SLC2A6: variants seen among roughly 807,000 people sequenced by gnomAD.
The protein encoded by SLC2A6 is solute carrier family 2 member 6.
A neutral mutation model predicts 47.8 loss-of-function variants in SLC2A6; 39 were observed. The ratio of observed to expected loss-of-function variants is 0.82; its 90% CI spans 0.63 to 1.07. The LOEUF (loss-of-function observed/expected upper bound fraction) is 1.07, where lower values mean the gene tolerates loss of function less well. Ranked by LOEUF, SLC2A6 falls within the 50% of genes least tolerant of loss-of-function variation. SLC2A6 has a pLI of 0.00. For missense variants in SLC2A6, 650 were observed against 707.6 expected (o/e 0.92, Z 0.92); for synonymous variants, 346 against 324.1 (o/e 1.07, Z -0.73).
rs370535865 is a variant in SLC2A6 at position 133,478,783 on chromosome 9, C to T, written c.92+185G>A. On this transcript the variant is annotated intron_variant, in intron 1 of 9. Coordinates refer to ENST00000371899, the MANE Select transcript of SLC2A6 (RefSeq NM_017585.4). The stretch of plus-strand genomic sequence containing the variant: ...GGCTGGGCCCGGTACTCTCGTGGAT[C>T]GTTCCTTCCCTTAGGGGGACCAGTT... The T allele has an allele frequency of 4.3e-4, 261 of 602,836 alleles. 2 individuals carry two copies. The East Asian group carries it at 7.2e-3, about 17-fold the overall frequency. The allele number at this position is 602,836 out of a possible 1,614,324, so 37.3% of individuals were successfully genotyped here.
chr9:133,474,211 G>A lies in SLC2A6; in HGVS notation c.928-123C>T. ...CCAGCAGCTCAGTGCAGTACTGAGT[G>A]GCCTGGCACCTGCAGCGTGCTGGGC... On this transcript the variant is annotated intron_variant, in intron 6 of 9. Transcript: ENST00000371899. 4.3e-6 allele frequency: 3 copies of A among 690,386 alleles called. No homozygotes were observed. In the South Asian group the frequency reaches 6.2e-5, roughly 14 times the overall value. 42.8% of individuals were successfully genotyped at this position (690,386 alleles called of 1,614,324 possible). A position where few individuals can be genotyped will look rare whatever the true frequency, so the allele number is the denominator to read the frequency against.
At position 133,478,268 on chromosome 9, in the gene SLC2A6, CCTGGGATTT is replaced by C; in HGVS notation, c.232_240del (p.Lys78_Gln80del). Reference sequence around the variant, plus strand: ...ATGGTCCTTACCCCAAACCAGGATGCCTGGGATTTGGTCAGATGCAGGTCAGGATCCAAG... The same window carrying C: ...ATGGTCCTTACCCCAAACCAGGATGCGGTCAGATGCAGGTCAGGATCCAAG... On this transcript the variant is annotated inframe_deletion, in exon 2 of 10. Coordinates refer to ENST00000371899, the MANE Select transcript of SLC2A6 (RefSeq NM_017585.4). 1.2e-6 allele frequency: 2 copies of C among 1,614,000 alleles called. No homozygotes were observed. The highest frequency in any genetic ancestry group is 1.7e-6 in the Non-Finnish European group (2 of 1,179,990).
chr9:133,478,854 C>T (rs929732532), intron 1 of SLC2A6, 114 bp downstream of exon 1: 5 of 874,598 alleles, frequency 5.7e-6, no homozygotes, highest in Admixed American at 2.9e-5. Flanking sequence ...AGCCAGATGG[C>T]CCCTCGGTGG....
chr9:133,475,725 T>G, intron 4 of SLC2A6, 114 bp from the exon 5 acceptor site: 10 of 952,804 alleles, frequency 1.0e-5, no homozygotes, highest in South Asian at 1.7e-5. Context: ...GGCCATCTCC[T>G]ACAGGAAGCC....
intron 1 of SLC2A6, chr9:133,478,710 G>A: frequency 1.7e-6 from 1 of 587,704 alleles, no homozygotes. Context: ...ACCTCAGGCA[G>A]AACCCCTGCT....
At position 133,475,462 on chromosome 9, in the gene SLC2A6, G is replaced by A. The variant is rs781964892; in HGVS notation, c.712C>T (p.Arg238Cys). The change falls in exon 5 of 10, where the codon CGT (arginine) becomes TGT (cysteine). Residue 238 changes from arginine to cysteine, a missense_variant. Coordinates refer to ENST00000371899, the MANE Select transcript of SLC2A6 (RefSeq NM_017585.4). Reference protein sequence around the residue: ...EEALRALAWLRGTDVDVHWEF... With the variant: ...EEALRALAWLCGTDVDVHWEF... ...CAGTGGACATCGACGTCCGTCCCAC[G>A]CAGCCAGGCCAGCGCCCGCAGGGCC... 11 of 1,611,784 alleles carry A rather than the reference G, an allele frequency of 6.8e-6. No individual in the cohort carries two copies. Among genetic ancestry groups the A allele is most frequent in the Admixed American group, 1.7e-5 (1 of 60,004 alleles).
chr9:133,477,139 C>A lies in SLC2A6; in HGVS notation c.358G>T (p.Ala120Ser). The change falls in exon 3 of 10, where the codon GCG (alanine) becomes TCG (serine). Residue 120 changes from alanine (A) to serine (S), a missense_variant. Transcript: ENST00000371899. Reference protein sequence around the residue: ...LSIMFSAVPSAAGYALMAGAH... With the variant: ...LSIMFSAVPSSAGYALMAGAH... ...CCCGCCATGAGCGCATAGCCGGCCGCCGACGGCACAGCTGAGAACATGATG... is the reference window on the plus strand; with the variant it reads ...CCCGCCATGAGCGCATAGCCGGCCGACGACGGCACAGCTGAGAACATGATG... 6.5e-7 allele frequency: 1 copy of A among 1,549,692 alleles called. No individual in the cohort carries two copies. The highest frequency in any genetic ancestry group is 8.7e-7 in the Non-Finnish European group (1 of 1,146,572).
Position 133,473,123 on chromosome 9 carries a change from C to T in SLC2A6, c.1350G>A (p.Lys450=). The stretch of plus-strand genomic sequence containing the variant: ...CACTCACCACCACTGGCAGGAAGGA[C>T]TTGGTGAGGACGAAGGCGGTGAGCC... ...ASWLTAFVLT[K]SFLPVVSTFG... is the part of the protein sequence containing the mutation. The change falls in exon 9 of 10, where the codon AAG becomes AAA. Residue 450 remains lysine (K), a synonymous_variant. Transcript: ENST00000371899. The T allele has an allele frequency of 6.2e-7, 1 of 1,610,952 alleles. No individual in the cohort carries two copies. Among genetic ancestry groups the T allele is most frequent in the Non-Finnish European group, 8.5e-7 (1 of 1,179,326 alleles).
rs1554803541 is a variant in SLC2A6, at chr9:133,477,055, G to C, written c.442C>G (p.Leu148Val). The change falls in exon 3 of 10, where the codon CTC becomes GTC. Residue 148 changes from leucine (L) to valine (V), a missense_variant. Physicochemically the swap from Leu to Val is conservative, Grantham distance 32 (BLOSUM62 1). Transcript: ENST00000371899. Reference sequence around the variant, plus strand: ...CTTACCGGGATGCAGGCAGCTGTGAGCCCCCCGGCGAAGCCCGTCAGCGTC... The same window carrying C: ...CTTACCGGGATGCAGGCAGCTGTGACCCCCCCGGCGAAGCCCGTCAGCGTC... ...GRTLTGFAGG[L>V]TAACIPVYVS... 2.6e-6 allele frequency: 4 copies of C among 1,546,972 alleles called. No homozygotes were observed. The highest frequency in any genetic ancestry group is 2.0e-5 in the Admixed American group (1 of 50,386).
At chr9:133,474,398 A>G (rs1490083713) in intron 6 of SLC2A6, among the ~76,000 whole-genome samples, 1 of 152,186 alleles carries the variant, frequency 6.6e-6, no homozygotes, top group Non-Finnish European at 1.5e-5. Context: ...GGGCAGGCTG[A>G]TGGAGATGTG....
Position 133,475,384 on chromosome 9 carries a change from G to C in SLC2A6, c.774+16C>G. 6.4e-7 allele frequency: 1 copy of C among 1,573,078 alleles called. No individual in the cohort carries two copies. The highest frequency in any genetic ancestry group is 8.6e-7 in the Non-Finnish European group (1 of 1,157,278). On this transcript the variant is annotated intron_variant, in intron 5 of 9. Coordinates refer to ENST00000371899, the MANE Select transcript of SLC2A6 (RefSeq NM_017585.4). ...GGAGGTGGGCCTGCCCGGTTCGGGC[G>C]CACACCCTCCTGCACCTGTCTCCGG...
rs955251166 is a variant in SLC2A6 at position 133,472,989 on chromosome 9, G to C, written c.1368+116C>G. ...TCAGGGGGTGTGTGCTCATCTCCTA[G>C]GGTCACTGAGAGTTAGGGTCCTGAC... On this transcript the variant is annotated intron_variant, in intron 9 of 9. Coordinates refer to ENST00000371899, the MANE Select transcript of SLC2A6 (RefSeq NM_017585.4). 11 of 1,133,292 alleles carry C rather than the reference G, an allele frequency of 9.7e-6. 1 individual carries two copies. The highest frequency in any genetic ancestry group is 8.7e-5 in the Admixed American group (3 of 34,364). 70.2% of individuals were successfully genotyped at this position (1,133,292 alleles called of 1,614,324 possible).
intron 6 of SLC2A6, 37 bp downstream of exon 6, chr9:133,474,924 C>A (rs782344785): frequency 1.4e-6 from 2 of 1,474,182 alleles, no homozygotes; most frequent in South Asian, 1.4e-5. Flanking sequence ...CTCCAGGGGA[C>A]CCCGTGGGTG....
intron 9 of SLC2A6, among the ~76,000 whole-genome samples, chr9:133,472,654 TG>T (rs1159898702): frequency 2.0e-5 from 3 of 152,236 alleles, no homozygotes; most frequent in Non-Finnish European, 4.4e-5. Flanking sequence ...TTCTCCCTCA[TG>T]GGAACTTACT....
rs1844081530 is a variant in SLC2A6 at position 133,479,077 on chromosome 9, G to A, written c.-18C>T. On this transcript the variant is annotated 5_prime_UTR_variant, in exon 1 of 10. Coordinates refer to ENST00000371899, the MANE Select transcript of SLC2A6 (RefSeq NM_017585.4). ...TCCTGCATGGCCGGGTCTCTCTCGG[G>A]GCGAGCGGAGGGCGCTCAGACTGGA... 2.5e-6 allele frequency: 4 copies of A among 1,573,966 alleles called. No individual in the cohort carries two copies. Among genetic ancestry groups the A allele is most frequent in the African/African-American group, 1.4e-5 (1 of 71,964 alleles).
chr9:133,473,714 C>T (rs1588241420), intron 7 of SLC2A6, 114 bp from the exon 8 acceptor site: 1 of 1,115,350 alleles, frequency 9.0e-7, no homozygotes, highest in South Asian at 1.7e-5. Context: ...GTGTCTGGGA[C>T]TAGAGACCCC....
chr9:133,478,246 G>T lies in SLC2A6; in HGVS notation c.255+8C>A, dbSNP rs781832399. 6.2e-7 allele frequency: 1 copy of T among 1,613,842 alleles called. No homozygotes were observed. Among genetic ancestry groups the T allele is most frequent in the South Asian group, 1.1e-5 (1 of 91,078 alleles). On this transcript the variant is annotated splice_region_variant and intron_variant, in intron 2 of 9. Transcript: ENST00000371899. ...TGCACCCACCCTCCTCCAGAGGATG[G>T]TCCTTACCCCAAACCAGGATGCCTG... is the stretch of plus-strand genomic sequence containing the variant.
intron 9 of SLC2A6, 27 bp downstream of exon 9, chr9:133,473,078 G>C: frequency 6.3e-7 from 1 of 1,592,278 alleles, no homozygotes. Flanking sequence ...GGGCCTAGGG[G>C]CCTGGGGCCT....
At chr9:133,476,648 T>TTG (rs981011284) in intron 3 of SLC2A6, among the ~76,000 whole-genome samples, 36 of 152,260 alleles carry the variant, frequency 2.4e-4, no homozygotes, top group African/African-American at 8.4e-4. Context: ...CCAGTGAGTT[T>TTG]TGTCTCCTCT....
Sources: allele counts gnomAD v4.1 joint callset (sites outside exome capture counted in the v4.1 genomes callset), GRCh38; gene constraint gnomAD v4.1.1; transcripts MANE v1.5; gene names NCBI Gene and HGNC (gene_info 2026-07-23, HGNC 2026-07-21).